The following DNAJC13 variants were observed in gnomAD, a reference collection of about 807,000 sequenced individuals.
DNAJC13 encodes DnaJ heat shock protein family (Hsp40) member C13.
A neutral mutation model predicts 290.5 loss-of-function variants in DNAJC13; 75 were observed. The ratio of observed to expected loss-of-function variants is 0.26; its 90% CI spans 0.21 to 0.31. The LOEUF (loss-of-function observed/expected upper bound fraction) is 0.31. Among genes scored for constraint, DNAJC13 ranks in the 10% least tolerant of loss-of-function variants. DNAJC13 has a pLI of 1.00. For synonymous variants in DNAJC13, 862 were observed against 892.0 expected (o/e 0.97, Z 0.60); for missense variants, 2,260 against 2,674.5 (o/e 0.85, Z 3.42).
At chr3:132,436,947 C>T (rs534714279) in intron 2 of DNAJC13, among the ~76,000 whole-genome samples, 5 of 150,572 alleles carry the variant, frequency 3.3e-5, no homozygotes, top group African/African-American at 7.3e-5. Context: ...GTGCTGATCT[C>T]GGCTCACTGC....
intron 55 of DNAJC13, chr3:132,537,334 T>A (rs1936626487): frequency 2.3e-6 from 1 of 427,096 alleles, no homozygotes; most frequent in South Asian, 1.6e-5. Context: ...TCAATGTTCC[T>A]TAGTTGTTTG....
chr3:132,514,571 G>A lies in DNAJC13; in HGVS notation c.5386G>A (p.Val1796Ile). Reference sequence around the variant, plus strand: ...TACTATCCTGTTGATTAATTTTCAGGTTGTGAATATAGTGACATCTAACCA... The same window carrying A: ...TACTATCCTGTTGATTAATTTTCAGATTGTGAATATAGTGACATCTAACCA... ...AGQVQQLALE[V>I]VNIVTSNQDC... is the part of the protein sequence containing the mutation. Residue 1796 changes from valine to isoleucine, a missense_variant and splice_region_variant, in exon 46 of 56, where the codon GTT (valine) becomes ATT (isoleucine). By Grantham distance (29) the Val-to-Ile change is conservative. Transcript: ENST00000260818. The A allele has an allele frequency of 6.3e-7, 1 of 1,596,408 alleles. No individual in the cohort carries two copies.
chr3:132,441,414 G>T (rs975741524), intron 2 of DNAJC13, among the ~76,000 whole-genome samples: 5 of 152,176 alleles, frequency 3.3e-5, no homozygotes, highest in African/African-American at 1.2e-4. Context: ...GTATTATAAA[G>T]GTTTATGCTG....
chr3:132,488,896 A>G, intron 30 of DNAJC13, 80 bp from the exon 31 acceptor site: 1 of 1,027,194 alleles, frequency 9.7e-7, no homozygotes, highest in Admixed American at 2.2e-5. Flanking sequence ...TAGCTATAAA[A>G]GATCTAGTCT....
At chr3:132,526,740 G>T (rs1053263262) in intron 53 of DNAJC13, among the ~76,000 whole-genome samples, 8 of 152,118 alleles carry the variant, frequency 5.3e-5, no homozygotes, top group African/African-American at 1.9e-4. Context: ...TTTTCAAAGA[G>T]ACTATCCACC....
At chr3:132,503,738 C>T (rs1429040910) in intron 41 of DNAJC13, among the ~76,000 whole-genome samples, 5 of 152,016 alleles carry the variant, frequency 3.3e-5, no homozygotes. Flanking sequence ...TTATTGTAAG[C>T]CATAGCTTAT....
intron 43 of DNAJC13, 34 bp from the exon 44 acceptor site, chr3:132,511,033 C>T (rs371625645): frequency 6.3e-7 from 1 of 1,599,448 alleles, no homozygotes; most frequent in Admixed American, 1.7e-5. Context: ...CTTAGGGCAC[C>T]CATGTTGTTT....
rs746869745 is a variant in DNAJC13, at chr3:132,465,211, A to G, written c.1893-784A>G. Reference sequence around the variant, plus strand: ...GTTAAATTTTGTTCTTCAGTAATGTAACATATATAAAACATATGTTTGTGG... The same window carrying G: ...GTTAAATTTTGTTCTTCAGTAATGTGACATATATAAAACATATGTTTGTGG... On this transcript the variant is annotated intron_variant, in intron 17 of 55. Coordinates refer to ENST00000260818, the MANE Select transcript of DNAJC13 (RefSeq NM_015268.4). Among the ~76,000 whole-genome samples the G allele has an allele frequency of 7.9e-5, 12 of 152,162 alleles. No individual in the cohort carries two copies. The South Asian group carries it at 1.4e-3, about 18-fold the overall frequency.
intron 20 of DNAJC13, among the ~76,000 whole-genome samples, chr3:132,468,443 A>G (rs766386833): frequency 7.2e-5 from 11 of 152,218 alleles, no homozygotes; most frequent in Non-Finnish European, 1.3e-4. Context: ...TCAATGTTCA[A>G]TTCTTTAGAG....
In DNAJC13 at chr3:132,519,271, T is replaced by A. The variant is rs139381260; in HGVS notation, c.5673+2455T>A. Reference sequence around the variant, plus strand: ...TTCCCCTAGCAATGTATTTATCATCTTCTTCTCTAACGCTTGTTATATCTT... The same window carrying A: ...TTCCCCTAGCAATGTATTTATCATCATCTTCTCTAACGCTTGTTATATCTT... On this transcript the variant is annotated intron_variant, in intron 48 of 55. Transcript: ENST00000260818. Among the ~76,000 whole-genome samples the A allele has an allele frequency of 3.5e-4, 54 of 152,328 alleles. No individual in the cohort carries two copies. In the East Asian group the frequency reaches 9.1e-3, roughly 26 times the overall value.
Position 132,423,516 on chromosome 3 carries a change from A to G in DNAJC13, c.-14+5756A>G, listed in dbSNP as rs564214789. 6.6e-5 allele frequency among the ~76,000 whole-genome samples: 10 copies of G among 152,328 alleles called. No homozygotes were observed. In the East Asian group the frequency reaches 1.9e-3, roughly 29 times the overall value. On this transcript the variant is annotated intron_variant, in intron 1 of 55. Coordinates refer to ENST00000260818, the MANE Select transcript of DNAJC13 (RefSeq NM_015268.4). Reference sequence around the variant, plus strand: ...GCTACAGAATGTATTTTGAATGTTTATCAAATCTTAGAGCAGATAAGCCAT... The same window carrying G: ...GCTACAGAATGTATTTTGAATGTTTGTCAAATCTTAGAGCAGATAAGCCAT...
intron 27 of DNAJC13, among the ~76,000 whole-genome samples, 172 bp downstream of exon 27, chr3:132,482,502 A>G (rs901590715): frequency 6.6e-6 from 1 of 152,198 alleles, no homozygotes; most frequent in East Asian, 1.9e-4. Flanking sequence ...AAACATACAT[A>G]TAAAATTATG....
chr3:132,490,965 C>T lies in DNAJC13; in HGVS notation c.3537C>T (p.Tyr1179=), dbSNP rs756817381. 1.2e-6 allele frequency: 2 copies of T among 1,612,532 alleles called. No homozygotes were observed. The highest frequency in any genetic ancestry group is 3.3e-5 in the Admixed American group (2 of 59,860). The change falls in exon 32 of 56, where the codon TAC becomes TAT. Residue 1179 remains tyrosine (Y), a synonymous_variant. Coordinates refer to ENST00000260818, the MANE Select transcript of DNAJC13 (RefSeq NM_015268.4). ...TTCTACCTGAAGCAATGGTTTGTTACTTAGAAAATTATGAACCTGAAAAGT... is the reference window on the plus strand; with the variant it reads ...TTCTACCTGAAGCAATGGTTTGTTATTTAGAAAATTATGAACCTGAAAAGT... ...GHILPEAMVC[Y]LENYEPEKFS...
At chr3:132,450,574 CTG>C in intron 5 of DNAJC13, 71 bp from the exon 6 acceptor site, 1 of 1,117,012 alleles carries the variant, frequency 9.0e-7, no homozygotes, top group Non-Finnish European at 1.3e-6. Flanking sequence ...TCAATAGTGA[CTG>C]TGATACATTA....
intron 40 of DNAJC13, among the ~76,000 whole-genome samples, 199 bp from the exon 41 acceptor site, chr3:132,503,015 G>A (rs1031573051): frequency 1.1e-4 from 17 of 152,022 alleles, no homozygotes; most frequent in Non-Finnish European, 2.5e-4. Context: ...GATTCTCCTG[G>A]TCCTTCTTAT....
intron 40 of DNAJC13, 143 bp from the exon 41 acceptor site, chr3:132,503,071 C>T (rs1391021285): frequency 2.6e-6 from 2 of 770,288 alleles, no homozygotes; most frequent in Non-Finnish European, 2.0e-6. Flanking sequence ...ATGTTTACCT[C>T]AGTGGTAGGT....
chr3:132,481,070 C>G (rs536976754), intron 26 of DNAJC13, among the ~76,000 whole-genome samples: 1 of 152,116 alleles, frequency 6.6e-6, no homozygotes, highest in Non-Finnish European at 1.5e-5. Context: ...CCCAACAGCC[C>G]TTGGAGGTGG....
chr3:132,437,394 G>A (rs1173769951), intron 2 of DNAJC13, among the ~76,000 whole-genome samples: 3 of 151,960 alleles, frequency 2.0e-5, no homozygotes, highest in Admixed American at 6.5e-5. Context: ...TGTGCTTTTG[G>A]TAATCTAAAA....
chr3:132,509,624 A>C (rs541317983), intron 43 of DNAJC13, among the ~76,000 whole-genome samples: 10 of 152,216 alleles, frequency 6.6e-5, no homozygotes, highest in Admixed American at 3.9e-4. Flanking sequence ...TCTTTCATGA[A>C]AGGAAGAGTC....
Sources: allele counts gnomAD v4.1 joint callset (sites outside exome capture counted in the v4.1 genomes callset), GRCh38; gene constraint gnomAD v4.1.1; transcripts MANE v1.5; gene names NCBI Gene and HGNC (gene_info 2026-07-23, HGNC 2026-07-21).